The following PIN4 variants were observed in gnomAD, a reference collection of about 807,000 sequenced individuals.
PIN4 encodes the protein peptidylprolyl cis/trans isomerase, NIMA-interacting 4.
Under a neutral mutation model 8.3 loss-of-function variants are expected in PIN4, and 3 were observed. That is an observed-to-expected ratio of 0.36 (90% confidence interval 0.16 to 0.93). The LOEUF (loss-of-function observed/expected upper bound fraction) is 0.93. Ranked by LOEUF, PIN4 falls within the 40% of genes least tolerant of loss-of-function variation. The probability of loss-of-function intolerance (pLI) is 0.44; values close to 1 mark genes in which losing one functional copy is unlikely to be tolerated. For missense variants in PIN4, 75 were observed against 100.6 expected (o/e 0.75, Z 1.09); for synonymous variants, 18 against 32.5 (o/e 0.55, Z 1.52).
intron 1 of PIN4, 28 bp from the exon 2 acceptor site, chrX:72,186,433 A>T: frequency 1.9e-6 from 2 of 1,057,838 alleles, no homozygotes; most frequent in Non-Finnish European, 2.6e-6. Context: ...TGCAGTTTAA[A>T]TGAGTACCTG....
At chrX:72,240,379 A>G (rs1324045858) in intron 3 of PIN4, among the ~76,000 whole-genome samples, 1 of 112,056 alleles carries the variant, frequency 8.9e-6, no homozygotes, top group Non-Finnish European at 1.9e-5. Flanking sequence ...TACTGTTAAG[A>G]ACACAGACAT....
chrX:72,261,451 G>T (rs2043139768), intron 3 of PIN4, among the ~76,000 whole-genome samples: 1 of 112,034 alleles, frequency 8.9e-6, no homozygotes, highest in Non-Finnish European at 1.9e-5. Flanking sequence ...ATGGGTTCTG[G>T]AGTCCCTATA....
chrX:72,198,156 A>G lies in PIN4; in HGVS notation c.*630A>G. The G allele has an allele frequency of 1.2e-5, 9 of 744,857 alleles. No homozygotes were observed. Among genetic ancestry groups the G allele is most frequent in the Non-Finnish European group, 1.1e-5 (7 of 630,342 alleles). The allele number at this position is 744,857 out of a possible 1,213,427, so 61.4% of individuals were successfully genotyped here. ...AGTGCTGGTTAAAGGGAGGGATGTC[A>G]GCATAAAAATGTCATTCCCTCATCT... On this transcript the variant is annotated 3_prime_UTR_variant, in exon 4 of 4. Transcript: ENST00000373669.
chrX:72,239,585 A>C (rs2043039536), intron 3 of PIN4, among the ~76,000 whole-genome samples: 1 of 110,599 alleles, frequency 9.0e-6, no homozygotes, highest in Non-Finnish European at 1.9e-5. Flanking sequence ...AACCTGGCTA[A>C]AATGGTGACA....
At chrX:72,214,929 G>A (rs1390949345) in intron 3 of PIN4, among the ~76,000 whole-genome samples, 1 of 110,910 alleles carries the variant, frequency 9.0e-6, no homozygotes, top group Non-Finnish European at 1.9e-5. Context: ...GGAGGTTGCA[G>A]TGAGCCAAGA....
intron 3 of PIN4, among the ~76,000 whole-genome samples, chrX:72,247,317 C>T (rs776140326): frequency 3.4e-4 from 38 of 112,257 alleles, no homozygotes; most frequent in Non-Finnish European, 6.9e-4. Flanking sequence ...GACAAAGCCA[C>T]CCATGCTTGG....
chrX:72,208,033 C>T lies in PIN4; in HGVS notation c.312+11129C>T, dbSNP rs151269287. ...GAGGCGATTACTTGCAGGAATAGCA[C>T]GAGCACATATTGCTGACTTAGTAGA... On this transcript the variant is annotated intron_variant, in intron 3 of 3. Transcript: ENST00000423432. The T allele has an allele frequency of 1.5e-4, 179 of 1,209,755 alleles. No homozygotes were observed. The highest frequency in any genetic ancestry group is 2.4e-4 in the East Asian group (8 of 33,782).
At chrX:72,204,121 T>G (rs2042802898) in intron 3 of PIN4, among the ~76,000 whole-genome samples, 1 of 112,414 alleles carries the variant, frequency 8.9e-6, no homozygotes, top group South Asian at 3.7e-4. Flanking sequence ...TTTAGTACTC[T>G]ATCCAAAATG....
intron 3 of PIN4, among the ~76,000 whole-genome samples, chrX:72,256,904 C>T (rs2043113447): frequency 8.9e-6 from 1 of 112,152 alleles, no homozygotes; most frequent in Non-Finnish European, 1.9e-5. Flanking sequence ...TCCAGGGTAG[C>T]TGGAACAGAG....
At chrX:72,223,400 C>T (rs375726424) in intron 3 of PIN4, among the ~76,000 whole-genome samples, 4 of 104,670 alleles carry the variant, frequency 3.8e-5, no homozygotes, top group African/African-American at 1.4e-4. Context: ...CTCCTAAATG[C>T]GGCCTTTGGA....
At chrX:72,241,253 G>A (rs926753372) in intron 3 of PIN4, among the ~76,000 whole-genome samples, 1 of 111,457 alleles carries the variant, frequency 9.0e-6, no homozygotes, top group Admixed American at 9.5e-5. Context: ...ATTGAGAGGC[G>A]GGGCCTTTTA....
At chrX:72,261,208 A>G (rs2043138076) in intron 3 of PIN4, among the ~76,000 whole-genome samples, 1 of 105,440 alleles carries the variant, frequency 9.5e-6, no homozygotes. Flanking sequence ...GGCAGGGAGA[A>G]TTTCTTGAAT....
chrX:72,204,995 CAATA>C (rs2042807505), intron 3 of PIN4: 1 of 1,140,826 alleles, frequency 8.8e-7, no homozygotes. Flanking sequence ...CTTTAAAATA[CAATA>C]AACAGGTTAC....
At chrX:72,191,887 T>C (rs964421006) in intron 2 of PIN4, among the ~76,000 whole-genome samples, 5 of 111,166 alleles carry the variant, frequency 4.5e-5, no homozygotes, top group East Asian at 5.6e-4. Context: ...GTTTTTTTTT[T>C]CCTAGGTCTT....
intron 2 of PIN4, among the ~76,000 whole-genome samples, chrX:72,192,112 C>T (rs138754022): frequency 9.0e-6 from 1 of 110,533 alleles, no homozygotes; most frequent in Non-Finnish European, 1.9e-5. Context: ...CCACCACTCC[C>T]GGCTAATTGT....
intron 3 of PIN4, chrX:72,206,404 T>G (rs1186239180): frequency 2.5e-6 from 3 of 1,209,855 alleles, no homozygotes; most frequent in Non-Finnish European, 3.4e-6. Context: ...ACTGGAGAGA[T>G]CTTGTTTCTC....
rs868101885 is a variant in PIN4, at chrX:72,205,414, C to T, written c.312+8510C>T. 5.0e-6 allele frequency: 6 copies of T among 1,212,042 alleles called. No individual in the cohort carries two copies. In the Middle Eastern group the frequency reaches 1.1e-3, roughly 232 times the overall value. ...ATAATCTTCAGGACCCTTTGCTTCA[C>T]TGCTGTCGTCAAGTCTTTCCTCCAT... is the stretch of plus-strand genomic sequence containing the variant. On this transcript the variant is annotated intron_variant, in intron 3 of 3. Coordinates refer to the PIN4 transcript ENST00000423432.
intron 3 of PIN4, chrX:72,204,816 T>A (rs1447266220): frequency 9.5e-6 from 3 of 314,300 alleles, no homozygotes; most frequent in Non-Finnish European, 1.6e-5. Flanking sequence ...AATATAAGAA[T>A]ATTCAAGTGA....
rs767894899 is a variant in PIN4 at position 72,205,846 on chromosome X, T to G, written c.312+8942T>G. On this transcript the variant is annotated intron_variant, in intron 3 of 3. Transcript: ENST00000423432. Reference sequence around the variant, plus strand: ...ACACAAGCTATTTTCTTTCTCAACATGCTCTAAAGACTGACTGGAAAAATT... The same window carrying G: ...ACACAAGCTATTTTCTTTCTCAACAGGCTCTAAAGACTGACTGGAAAAATT... 5.0e-6 allele frequency: 6 copies of G among 1,211,882 alleles called. No individual in the cohort carries two copies. In the South Asian group the frequency reaches 1.1e-4, roughly 21 times the overall value.
Sources: gnomAD v4.1 joint callset for allele counts (sites outside exome capture counted in the v4.1 genomes callset) on GRCh38, gnomAD v4.1.1 for gene constraint, MANE v1.5 for transcripts, NCBI Gene and HGNC (gene_info 2026-07-23, HGNC 2026-07-21) for gene names.